The following PDS5B variants were observed in gnomAD, a reference collection of about 807,000 sequenced individuals.
The protein encoded by PDS5B is PDS5 cohesin associated factor B.
A neutral mutation model predicts 184.1 loss-of-function variants in PDS5B; 51 were observed. That is an observed-to-expected ratio of 0.28 (90% confidence interval 0.22 to 0.35). The LOEUF (loss-of-function observed/expected upper bound fraction) is 0.35. Ranked by LOEUF, PDS5B falls within the 10% of genes least tolerant of loss-of-function variation. PDS5B has a pLI of 1.00. For missense variants in PDS5B, 1,180 were observed against 1,723.3 expected (o/e 0.68, Z 5.58); for synonymous variants, 566 against 569.2 (o/e 0.99, Z 0.08).
chr13:32,673,426 A>T, intron 8 of PDS5B, 70 bp downstream of exon 8: 3 of 1,296,868 alleles, frequency 2.3e-6, no homozygotes, highest in Non-Finnish European at 3.2e-6. Context: ...TAGCTTTTTA[A>T]TTTTTACAGT....
chr13:32,608,384 A>G (rs2058093495), intron 1 of PDS5B, among the ~76,000 whole-genome samples: 1 of 152,206 alleles, frequency 6.6e-6, no homozygotes, highest in South Asian at 2.1e-4. Context: ...ATAGTAGTCT[A>G]ACCCTAAATT....
At chr13:32,654,261 G>A (rs1431270352) in intron 3 of PDS5B, among the ~76,000 whole-genome samples, 1 of 152,126 alleles carries the variant, frequency 6.6e-6, no homozygotes, top group African/African-American at 2.4e-5. Context: ...GTCTACAGTA[G>A]TGTTGTATAC....
intron 1 of PDS5B, among the ~76,000 whole-genome samples, chr13:32,630,358 A>C (rs1419303300): frequency 1.3e-5 from 2 of 152,074 alleles, no homozygotes; most frequent in African/African-American, 4.8e-5. Context: ...CAATGTCTGG[A>C]GACATTTTTG....
intron 19 of PDS5B, among the ~76,000 whole-genome samples, chr13:32,726,305 T>G (rs1952897847): frequency 2.6e-5 from 4 of 152,238 alleles, no homozygotes; most frequent in Admixed American, 2.6e-4. Flanking sequence ...TATAGAGAGA[T>G]CCCCATTTAT....
Position 32,618,751 on chromosome 13 carries a change from A to C in PDS5B, c.-19-30003A>C, listed in dbSNP as rs76913546. ...CTTTTGTTTAAGAAGTCATCTCTTC[A>C]AACTTGGGTAATTAAAATAGTTTCC... On this transcript the variant is annotated intron_variant, in intron 1 of 34. Coordinates refer to ENST00000315596, the MANE Select transcript of PDS5B (RefSeq NM_015032.4). 7.4e-3 allele frequency among the ~76,000 whole-genome samples: 1,120 copies of C among 152,332 alleles called. 12 individuals are homozygous for C. The highest frequency in any genetic ancestry group is 0.026 in the African/African-American group (1,078 of 41,574).
chr13:32,616,291 G>T (rs1039953733), intron 1 of PDS5B, among the ~76,000 whole-genome samples: 5 of 152,124 alleles, frequency 3.3e-5, no homozygotes, highest in African/African-American at 1.2e-4. Context: ...CTGACCTCAG[G>T]TGATCCACCC....
intron 1 of PDS5B, among the ~76,000 whole-genome samples, chr13:32,592,990 C>T (rs1183558033): frequency 6.6e-6 from 1 of 152,150 alleles, no homozygotes; most frequent in Non-Finnish European, 1.5e-5. Context: ...TACCATAATC[C>T]ATTGAAAATA....
At chr13:32,664,085 T>A (rs569646805) in intron 6 of PDS5B, among the ~76,000 whole-genome samples, 5 of 152,318 alleles carry the variant, frequency 3.3e-5, no homozygotes, top group African/African-American at 1.2e-4. Flanking sequence ...TTCCATGGTG[T>A]ATATATACCA....
At chr13:32,770,810 A>C in intron 33 of PDS5B, 49 bp downstream of exon 33, 1 of 1,388,638 alleles carries the variant, frequency 7.2e-7, no homozygotes, top group Non-Finnish European at 1.0e-6. Context: ...TATTTTGCAA[A>C]AGTTCCTAAA....
At chr13:32,770,801 A>G (rs757420032) in intron 33 of PDS5B, 40 bp downstream of exon 33, 81 of 1,477,280 alleles carry the variant, frequency 5.5e-5, no homozygotes, top group Non-Finnish European at 7.0e-5. Flanking sequence ...ATTTCAAATT[A>G]TTTTGCAAAA....
At position 32,716,699 on chromosome 13, in the gene PDS5B, C is replaced by T. The variant is rs1212436873; in HGVS notation, c.2123+6593C>T. ...CAGCCCCCCGCCCGGCCAGCTGCCC[C>T]GTTTGGGAGGTGAGGGGCGCTTTTG... On this transcript the variant is annotated intron_variant, in intron 19 of 34. Coordinates refer to ENST00000315596, the MANE Select transcript of PDS5B (RefSeq NM_015032.4). 5.0e-3 allele frequency among the ~76,000 whole-genome samples: 642 copies of T among 128,830 alleles called. 53 individuals carry two copies. The highest frequency in any genetic ancestry group is 0.018 in the African/African-American group (603 of 33,626). The allele number at this position is 128,830 out of a possible 152,430, so 84.5% of individuals were successfully genotyped here. A position where few individuals can be genotyped will look rare whatever the true frequency, so the allele number is the denominator to read the frequency against.
At chr13:32,754,706 A>G (rs1954111811) in intron 25 of PDS5B, among the ~76,000 whole-genome samples, 1 of 152,104 alleles carries the variant, frequency 6.6e-6, no homozygotes, top group Non-Finnish European at 1.5e-5. Flanking sequence ...CCTTATTTGC[A>G]AAATTGATAT....
In PDS5B at chr13:32,776,498, CTG is replaced by C. The variant is rs1425914696; in HGVS notation, c.*1448_*1449del. Reference sequence around the variant, plus strand: ...AGTATCCTTTATACAGTTGTATAAACTGTATTTTGAACCAAAACATATAGGTT... The same window carrying C: ...AGTATCCTTTATACAGTTGTATAAACTATTTTGAACCAAAACATATAGGTT... On this transcript the variant is annotated 3_prime_UTR_variant, in exon 35 of 35. Transcript: ENST00000315596. The C allele has an allele frequency of 7.2e-5, 11 of 151,888 alleles. No individual in the cohort carries two copies. The East Asian group carries it at 2.1e-3, about 29-fold the overall frequency. The allele number at this position is 151,888 out of a possible 1,614,324, so 9.4% of individuals were successfully genotyped here.
At chr13:32,713,153 ACTACCT>A (rs1952261540) in intron 19 of PDS5B, among the ~76,000 whole-genome samples, 1 of 152,226 alleles carries the variant, frequency 6.6e-6, no homozygotes, top group African/African-American at 2.4e-5. Flanking sequence ...AAAAGGACTT[ACTACCT>A]TTAGTCCTAA....
At chr13:32,644,335 A>G (rs918881752) in intron 1 of PDS5B, among the ~76,000 whole-genome samples, 5 of 152,162 alleles carry the variant, frequency 3.3e-5, no homozygotes, top group Non-Finnish European at 7.4e-5. Context: ...TAAATTTACA[A>G]TGGGTTTATT....
intron 10 of PDS5B, 151 bp downstream of exon 10, chr13:32,679,080 A>AG: frequency 8.3e-6 from 3 of 362,136 alleles, no homozygotes; most frequent in Non-Finnish European, 1.5e-5. Flanking sequence ...CTGAAGCTAG[A>AG]TTTTTTTTTT....
chr13:32,740,106 T>C (rs1385607917), intron 21 of PDS5B, among the ~76,000 whole-genome samples: 1 of 152,192 alleles, frequency 6.6e-6, no homozygotes, highest in African/African-American at 2.4e-5. Flanking sequence ...AAGCTTTCTG[T>C]CTTGAATTCT....
At chr13:32,660,785 A>G (rs1950621756) in intron 6 of PDS5B, among the ~76,000 whole-genome samples, 2 of 152,120 alleles carry the variant, frequency 1.3e-5, no homozygotes, top group African/African-American at 2.4e-5. Flanking sequence ...AACTAGAATC[A>G]TAGGATCTTC....
In PDS5B at chr13:32,746,058, C is replaced by T; in HGVS notation, c.2694C>T (p.Ile898=). The T allele has an allele frequency of 2.5e-6, 4 of 1,613,210 alleles. No individual in the cohort carries two copies. The highest frequency in any genetic ancestry group is 3.4e-6 in the Non-Finnish European group (4 of 1,179,190). The change falls in exon 24 of 35, where the codon ATC becomes ATT. Residue 898 remains isoleucine, a synonymous_variant. Coordinates refer to ENST00000315596, the MANE Select transcript of PDS5B (RefSeq NM_015032.4). ...KLAQEPCYHE[I]ITLEQYQLCA... ...CACAAGAACCCTGTTACCATGAAAT[C>T]ATCACATTAGAACAATATCAGCTAT... is the stretch of plus-strand genomic sequence containing the variant.
Sources: gnomAD v4.1 joint callset for allele counts (sites outside exome capture counted in the v4.1 genomes callset) on GRCh38, gnomAD v4.1.1 for gene constraint, MANE v1.5 for transcripts, NCBI Gene and HGNC (gene_info 2026-07-23, HGNC 2026-07-21) for gene names.